CUL5: variants seen among roughly 807,000 people sequenced by gnomAD.
CUL5 encodes cullin-5.
In CUL5, 26 loss-of-function variants were observed where a neutral mutation model predicts 108.8. That is an observed-to-expected ratio of 0.24 (90% CI 0.18 to 0.33). The LOEUF (loss-of-function observed/expected upper bound fraction) is 0.33. Among genes scored for constraint, CUL5 ranks in the 10% least tolerant of loss-of-function variants. The pLI is 1.00. For synonymous variants in CUL5, 334 were observed against 298.0 expected (o/e 1.12, Z -1.25); for missense variants, 524 against 909.2 (o/e 0.58, Z 5.45).
At chr11:108,028,896 A>G (rs1158029066) in intron 1 of CUL5, among the ~76,000 whole-genome samples, 1 of 152,230 alleles carries the variant, frequency 6.6e-6, no homozygotes, top group African/African-American at 2.4e-5. Flanking sequence ...CATCTCACTT[A>G]TAGTAGAAAC....
chr11:108,069,940 C>T (rs1863779997), intron 7 of CUL5, among the ~76,000 whole-genome samples, 156 bp from the exon 8 acceptor site: 1 of 152,066 alleles, frequency 6.6e-6, no homozygotes, highest in South Asian at 2.1e-4. Context: ...ACTAGTATAG[C>T]ATATCCATCT....
chr11:108,036,199 C>G (rs143946686), intron 2 of CUL5, among the ~76,000 whole-genome samples: 1 of 152,276 alleles, frequency 6.6e-6, no homozygotes, highest in East Asian at 1.9e-4. Flanking sequence ...CATGTTGTCT[C>G]TCTTTTTCCA....
chr11:108,053,937 C>T (rs1226628471), intron 5 of CUL5, among the ~76,000 whole-genome samples: 3 of 152,028 alleles, frequency 2.0e-5, no homozygotes, highest in Admixed American at 6.6e-5. Flanking sequence ...CCTCCACTTC[C>T]CAAGTTCAAG....
Position 108,078,964 on chromosome 11 carries a change from A to T in CUL5, c.1178+724A>T, listed in dbSNP as rs143373958. Among the ~76,000 whole-genome samples the T allele has an allele frequency of 3.5e-3, 539 of 152,252 alleles. 2 individuals carry two copies. The highest frequency in any genetic ancestry group is 0.012 in the African/African-American group (511 of 41,562). ...TCATACCATATTATAATATTGATATATTTTAGAAGGGAATATGTTCTCTTT... is the reference window on the plus strand; with the variant it reads ...TCATACCATATTATAATATTGATATTTTTTAGAAGGGAATATGTTCTCTTT... On this transcript the variant is annotated intron_variant, in intron 11 of 18. Transcript: ENST00000393094.
At chr11:108,029,747 A>T (rs1253523591) in intron 1 of CUL5, among the ~76,000 whole-genome samples, 1 of 152,230 alleles carries the variant, frequency 6.6e-6, no homozygotes, top group Non-Finnish European at 1.5e-5. Flanking sequence ...AAACGTGTTT[A>T]TTATGTGTTC....
intron 18 of CUL5, among the ~76,000 whole-genome samples, chr11:108,102,355 C>G (rs1864693597): frequency 1.3e-5 from 2 of 152,036 alleles, no homozygotes; most frequent in South Asian, 4.1e-4. Context: ...GAGACAGGGT[C>G]TCACTCTGTC....
At chr11:108,059,858 T>C (rs2135152651) in intron 7 of CUL5, among the ~76,000 whole-genome samples, 2 of 149,552 alleles carry the variant, frequency 1.3e-5, no homozygotes, top group South Asian at 4.3e-4. Flanking sequence ...CGCTCCAGCC[T>C]GGGTGACAGA....
At chr11:108,055,827 C>T (rs1209884272) in intron 7 of CUL5, among the ~76,000 whole-genome samples, 1 of 152,144 alleles carries the variant, frequency 6.6e-6, no homozygotes, top group Non-Finnish European at 1.5e-5. Flanking sequence ...GATGGGGTTT[C>T]ACCTTGCTGC....
rs1018313884 is a variant in CUL5 at position 108,099,512 on chromosome 11, G to A, written c.2148+983G>A. Among the ~76,000 whole-genome samples, 4 of 152,240 alleles carry A rather than the reference G, an allele frequency of 2.6e-5. No homozygotes were observed. In the South Asian group the frequency reaches 6.2e-4, roughly 24 times the overall value. ...ACTGTGTAGGAGCTGTATGAAAAGAGTGGCCCTTTACTGGGAGATTCAGAA... is the reference window on the plus strand; with the variant it reads ...ACTGTGTAGGAGCTGTATGAAAAGAATGGCCCTTTACTGGGAGATTCAGAA... On this transcript the variant is annotated intron_variant, in intron 18 of 18. Coordinates refer to ENST00000393094, the MANE Select transcript of CUL5 (RefSeq NM_003478.6).
chr11:108,091,695 T>TCACACA (rs71303233), intron 13 of CUL5, among the ~76,000 whole-genome samples: 14,008 of 138,036 alleles, frequency 0.1, 787 homozygotes, highest in African/African-American at 0.14. Context: ...TCTCTCTCAC[T>TCACACA]CACACACACA....
At chr11:108,095,467 C>G (rs1416900483) in intron 15 of CUL5, 63 bp from the exon 16 acceptor site, 1 of 1,117,958 alleles carries the variant, frequency 8.9e-7, no homozygotes, top group Non-Finnish European at 1.3e-6. Flanking sequence ...AAATTCATGT[C>G]ATAGATATTA....
intron 5 of CUL5, 59 bp downstream of exon 5, chr11:108,052,860 T>C (rs1027076818): frequency 6.8e-7 from 1 of 1,467,882 alleles, no homozygotes; most frequent in Non-Finnish European, 9.3e-7. Flanking sequence ...AGAACAATTA[T>C]GGAATAGCAC....
chr11:108,017,475 T>C (rs1413230857), intron 1 of CUL5, among the ~76,000 whole-genome samples: 1 of 151,104 alleles, frequency 6.6e-6, no homozygotes, highest in African/African-American at 2.4e-5. Flanking sequence ...TCCTGATGGA[T>C]GAATACTGAC....
chr11:108,042,617 G>A (rs1419281865), intron 2 of CUL5, among the ~76,000 whole-genome samples: 2 of 151,804 alleles, frequency 1.3e-5, no homozygotes, highest in African/African-American at 4.8e-5. Context: ...TGGAGATTAA[G>A]CTCAGGAACC....
chr11:108,052,824 C>G (rs779768714), intron 5 of CUL5, 23 bp downstream of exon 5: 5 of 1,578,426 alleles, frequency 3.2e-6, no homozygotes, highest in East Asian at 2.3e-5. Context: ...CTTTTATGAT[C>G]ATAATTTCTG....
At chr11:108,042,586 T>C (rs553182478) in intron 2 of CUL5, among the ~76,000 whole-genome samples, 1 of 152,184 alleles carries the variant, frequency 6.6e-6, no homozygotes, top group African/African-American at 2.4e-5. Context: ...TGTACACCTT[T>C]GCCTGGCAAA....
chr11:108,085,604 T>C (rs753170347), intron 11 of CUL5, among the ~76,000 whole-genome samples: 3 of 152,230 alleles, frequency 2.0e-5, no homozygotes, highest in Non-Finnish European at 4.4e-5. Flanking sequence ...GTAAAAGATA[T>C]GTGTTAAAAA....
At chr11:108,095,962 G>C (rs1405413789) in intron 16 of CUL5, among the ~76,000 whole-genome samples, 1 of 151,744 alleles carries the variant, frequency 6.6e-6, no homozygotes, top group Non-Finnish European at 1.5e-5. Flanking sequence ...TGGGCGTGGT[G>C]GTGGGCGCCT....
chr11:108,092,150 A>G (rs1173532517), intron 13 of CUL5, among the ~76,000 whole-genome samples: 1 of 152,214 alleles, frequency 6.6e-6, no homozygotes, highest in Non-Finnish European at 1.5e-5. Context: ...AACAAAAAAA[A>G]CACAAAGAGA....
Sources: gnomAD v4.1 joint callset for allele counts (sites outside exome capture counted in the v4.1 genomes callset) on GRCh38, gnomAD v4.1.1 for gene constraint, MANE v1.5 for transcripts, NCBI Gene and HGNC (gene_info 2026-07-23, HGNC 2026-07-21) for gene names.